Variants in CSMD1 observed in about 807,000 individuals in gnomAD.
CSMD1 encodes the protein CUB and Sushi multiple domains 1.
Under a neutral mutation model 417.5 loss-of-function variants are expected in CSMD1, and 213 were observed. The ratio of observed to expected loss-of-function variants is 0.51; its 90% confidence interval spans 0.46 to 0.57. The LOEUF (loss-of-function observed/expected upper bound fraction) is 0.57, where lower values mean the gene tolerates loss of function less well. Ranked by LOEUF, CSMD1 falls within the 20% of genes least tolerant of loss-of-function variation. The pLI is 0.00. For missense variants in CSMD1, 6,923 were observed against 4,529.7 expected, an observed-to-expected ratio of 1.53 and a Z score of -15.17; for synonymous variants, 2,862 against 1,736.8, an observed-to-expected ratio of 1.65 and a Z score of -16.11.
chr8:4,695,331 G>T (rs186358492), intron 1 of CSMD1, among the ~76,000 whole-genome samples: 1 of 152,136 alleles, frequency 6.6e-6, no homozygotes, highest in East Asian at 1.9e-4. Flanking sequence ...ACTTCATTCA[G>T]CCTACATCCA....
At chr8:4,651,802 C>A (rs192935605) in intron 1 of CSMD1, among the ~76,000 whole-genome samples, 2 of 152,216 alleles carry the variant, frequency 1.3e-5, no homozygotes, top group Admixed American at 1.3e-4. Flanking sequence ...TAGGGGTGAC[C>A]TAATTTGATT....
chr8:4,735,356 G>T (rs1284601733), intron 1 of CSMD1, among the ~76,000 whole-genome samples: 1 of 152,176 alleles, frequency 6.6e-6, no homozygotes, highest in Non-Finnish European at 1.5e-5. Flanking sequence ...TGGATTTTCT[G>T]TTGCCAAGCC....
intron 3 of CSMD1, among the ~76,000 whole-genome samples, chr8:4,165,347 C>A (rs532674512): frequency 6.6e-6 from 1 of 152,352 alleles, no homozygotes; most frequent in East Asian, 1.9e-4. Context: ...TGGTGTCCCA[C>A]AAATTCCTTA....
chr8:4,758,147 G>C (rs775026844), intron 1 of CSMD1, among the ~76,000 whole-genome samples: 3 of 152,030 alleles, frequency 2.0e-5, no homozygotes, highest in Non-Finnish European at 2.9e-5. Context: ...CAAAATGGTG[G>C]TGTTTTTCTG....
chr8:3,650,823 T>G (rs1452565790), intron 7 of CSMD1, among the ~76,000 whole-genome samples: 1 of 152,170 alleles, frequency 6.6e-6, no homozygotes, highest in Non-Finnish European at 1.5e-5. Flanking sequence ...CAAACACTGG[T>G]TATACCATCT....
intron 3 of CSMD1, among the ~76,000 whole-genome samples, chr8:4,206,406 G>C (rs1393097318): frequency 6.6e-6 from 1 of 151,784 alleles, no homozygotes; most frequent in African/African-American, 2.4e-5. Flanking sequence ...CAACTGTTCA[G>C]TTCCCACCTA....
intron 4 of CSMD1, among the ~76,000 whole-genome samples, chr8:4,018,184 C>G (rs544649716): frequency 6.6e-6 from 1 of 152,160 alleles, no homozygotes; most frequent in African/African-American, 2.4e-5. Context: ...AAATACACAT[C>G]TTTTACATAA....
chr8:4,070,063 G>A lies in CSMD1; in HGVS notation c.416-37964C>T, dbSNP rs535168885. On this transcript the variant is annotated intron_variant, in intron 3 of 69. Coordinates refer to ENST00000635120, the MANE Select transcript of CSMD1 (RefSeq NM_033225.6). ...TGGTGTTTTAACTATACTTTTCGCA[G>A]TGTTTTAGTGTTTGCTCTTGGAATT... Among the ~76,000 whole-genome samples, 6 of 151,854 alleles carry A rather than the reference G, an allele frequency of 4.0e-5. No homozygotes were observed. The East Asian group carries it at 1.2e-3, about 30-fold the overall frequency.
intron 1 of CSMD1, among the ~76,000 whole-genome samples, chr8:4,768,014 C>A (rs1414082808): frequency 6.6e-6 from 1 of 151,750 alleles, no homozygotes; most frequent in Non-Finnish European, 1.5e-5. Context: ...TTCACATTTA[C>A]GTTCAACAGA....
chr8:4,006,228 C>T (rs1055521160), intron 4 of CSMD1, among the ~76,000 whole-genome samples: 1 of 152,108 alleles, frequency 6.6e-6, no homozygotes, highest in African/African-American at 2.4e-5. Context: ...AATATATTGA[C>T]TTTGTGCGCA....
intron 1 of CSMD1, among the ~76,000 whole-genome samples, chr8:4,826,997 G>A (rs1030850157): frequency 7.2e-5 from 11 of 152,002 alleles, no homozygotes; most frequent in Admixed American, 2.0e-4. Context: ...AAATCAAATT[G>A]CTTGCCTATC....
At chr8:3,055,552 A>C (rs1812158198) in intron 49 of CSMD1, among the ~76,000 whole-genome samples, 1 of 152,132 alleles carries the variant, frequency 6.6e-6, no homozygotes. Context: ...TATTCCCAAA[A>C]TTTTGCATGA....
intron 5 of CSMD1, among the ~76,000 whole-genome samples, chr8:3,809,401 A>G (rs909650982): frequency 2.0e-5 from 3 of 152,188 alleles, no homozygotes; most frequent in African/African-American, 7.2e-5. Flanking sequence ...AGAATTAGGG[A>G]CTGTAAACCT....
At chr8:3,195,799 A>G (rs1422644871) in intron 33 of CSMD1, among the ~76,000 whole-genome samples, 1 of 152,340 alleles carries the variant, frequency 6.6e-6, no homozygotes, top group East Asian at 1.9e-4. Context: ...GAACATATTC[A>G]ACATTTAAAA....
At chr8:4,129,594 T>G (rs904932158) in intron 3 of CSMD1, among the ~76,000 whole-genome samples, 1 of 152,106 alleles carries the variant, frequency 6.6e-6, no homozygotes, top group African/African-American at 2.4e-5. Flanking sequence ...TTATTATTAT[T>G]ATTATTACTG....
intron 5 of CSMD1, among the ~76,000 whole-genome samples, chr8:3,773,726 G>C (rs2720766): frequency 6.6e-6 from 1 of 152,066 alleles, no homozygotes; most frequent in Non-Finnish European, 1.5e-5. Context: ...TTGATGATGA[G>C]GAGGGCAAGC....
rs1015672836 is a variant in CSMD1 at position 3,349,645 on chromosome 8, G to A, written c.3305-1484C>T. The stretch of plus-strand genomic sequence containing the variant: ...ACAGTAATTATATAACTATAATTAT[G>A]TATTTGTATAATTATAATTCTGTAA... On this transcript the variant is annotated intron_variant, in intron 21 of 69. Coordinates refer to ENST00000635120, the MANE Select transcript of CSMD1 (RefSeq NM_033225.6). Among the ~76,000 whole-genome samples the A allele has an allele frequency of 2.0e-5, 3 of 150,720 alleles. No individual in the cohort carries two copies. The Admixed American group carries it at 2.0e-4, about 10-fold the overall frequency.
chr8:3,469,592 G>C (rs1816969720), intron 11 of CSMD1, among the ~76,000 whole-genome samples: 1 of 152,094 alleles, frequency 6.6e-6, no homozygotes, highest in Admixed American at 6.5e-5. Flanking sequence ...TGTTGAAATA[G>C]AAAAAGTGTA....
At chr8:3,669,629 C>G (rs1479108949) in intron 7 of CSMD1, among the ~76,000 whole-genome samples, 1 of 152,148 alleles carries the variant, frequency 6.6e-6, no homozygotes, top group Non-Finnish European at 1.5e-5. Context: ...TGGGTATTCG[C>G]CCGCTGGGTA....
Sources: gnomAD v4.1 joint callset for allele counts (sites outside exome capture counted in the v4.1 genomes callset) on GRCh38, gnomAD v4.1.1 for gene constraint, MANE v1.5 for transcripts, NCBI Gene and HGNC (gene_info 2026-07-23, HGNC 2026-07-21) for gene names.